The following ZNF518A variants were observed in gnomAD, a reference collection of about 807,000 sequenced individuals.
ZNF518A encodes the protein zinc finger protein 518A, also known as zinc finger protein 518.
ZNF518A carries 47 observed loss-of-function variants against 102.7 expected under a neutral mutation model. That is an observed-to-expected ratio of 0.46 (90% CI 0.36 to 0.58). The LOEUF (loss-of-function observed/expected upper bound fraction) is 0.58, where lower values mean the gene tolerates loss of function less well. Among genes scored for constraint, ZNF518A ranks in the 20% least tolerant of loss-of-function variants. The pLI, the probability that ZNF518A is intolerant of heterozygous loss-of-function variation, is 0.00. For missense variants in ZNF518A, 1,793 were observed against 1,699.8 expected (o/e 1.05, Z -0.96); for synonymous variants, 652 against 594.6 (o/e 1.10, Z -1.40).
intron 1 of ZNF518A, among the ~76,000 whole-genome samples, chr10:96,201,631 G>C (rs1390294279): frequency 6.6e-6 from 1 of 152,146 alleles, no homozygotes; most frequent in Non-Finnish European, 1.5e-5. Context: ...GTGTTAAAGT[G>C]GTTCTGAGAC....
chr10:96,202,315 G>T (rs2083666646), intron 1 of ZNF518A, among the ~76,000 whole-genome samples: 1 of 152,190 alleles, frequency 6.6e-6, no homozygotes, highest in African/African-American at 2.4e-5. Flanking sequence ...GGTGGCAACA[G>T]CAGAGTGGGG....
intron 1 of ZNF518A, among the ~76,000 whole-genome samples, chr10:96,177,274 A>T (rs2083211367): frequency 6.6e-6 from 1 of 152,196 alleles, no homozygotes; most frequent in Admixed American, 6.5e-5. Context: ...GTCATCCTAG[A>T]ATTCTATGTC....
rs1407199371 is a variant in ZNF518A, at chr10:96,160,699, C to T, written c.4377C>T (p.Asp1459=). 6.2e-7 allele frequency: 1 copy of T among 1,612,582 alleles called. No individual in the cohort carries two copies. ...GTTGGTTTTGTGGTAGAGTATTTGA[C>T]AATCAGGATACTTGGGCTGGTCATG... The part of the protein sequence containing the change: ...FNCWFCGRVF[D]NQDTWAGHGQ... The change falls in exon 6 of 6, where the codon GAC becomes GAT. Residue 1459 remains aspartate, a synonymous_variant. Coordinates refer to ENST00000316045, the MANE Select transcript of ZNF518A (RefSeq NM_001330736.2).
At chr10:96,139,154 T>G (rs1303256761) in intron 3 of ZNF518A, among the ~76,000 whole-genome samples, 1 of 152,102 alleles carries the variant, frequency 6.6e-6, no homozygotes, top group Non-Finnish European at 1.5e-5. Flanking sequence ...GGCAGCTTGT[T>G]GGAGTATATG....
chr10:96,167,383 G>A (rs587738575), downstream of ZNF518A, among the ~76,000 whole-genome samples: 65 of 152,318 alleles, frequency 4.3e-4, no homozygotes, highest in African/African-American at 1.2e-3. Flanking sequence ...GAACTCAGGA[G>A]GCAGAGGTTG....
rs782285998 is a variant in ZNF518A, at chr10:96,158,010, C to T, written c.1688C>T (p.Ser563Leu). 2.5e-6 allele frequency: 4 copies of T among 1,613,784 alleles called. No homozygotes were observed. The highest frequency in any genetic ancestry group is 2.5e-6 in the Non-Finnish European group (3 of 1,179,796). The part of the protein sequence containing the change: ...LSATSELVTA[S>L]VNLTTKFETR... The stretch of plus-strand genomic sequence containing the variant: ...GCAACATCAGAATTGGTTACAGCAT[C>T]AGTGAATTTGACCACAAAATTTGAA... Residue 563 changes from serine (S) to leucine (L), a missense_variant, in exon 6 of 6, where the codon TCA (serine) becomes TTA (leucine). This residue lies in a region of ZNF518A where 1,741 missense variants were observed against 1,622.6 expected (regional missense o/e 1.07). Coordinates refer to ENST00000316045, the MANE Select transcript of ZNF518A (RefSeq NM_001330736.2).
At chr10:96,147,369 C>G (rs1191681901) in intron 3 of ZNF518A, among the ~76,000 whole-genome samples, 1 of 152,162 alleles carries the variant, frequency 6.6e-6, no homozygotes, top group African/African-American at 2.4e-5. Flanking sequence ...GTTTGTTATC[C>G]TGGTATTTCC....
Position 96,157,044 on chromosome 10 carries a change from A to C in ZNF518A, c.722A>C (p.His241Pro). ...CATTATAAGTGTGGTAAATGTCATC[A>C]TGTATGTTTTACCAAAGGAGAGCTT... ...EIHYKCGKCH[H>P]VCFTKGELQK... The change falls in exon 6 of 6, where the codon CAT becomes CCT. Residue 241 changes from histidine to proline, a missense_variant. By Grantham distance (77) the His-to-Pro change is moderately conservative. Around this residue, in one of 3 missense-constraint regions of ZNF518A, gnomAD observed 1,741 missense variants for 1,622.6 expected, o/e 1.07. Transcript: ENST00000316045. 1 of 1,613,702 alleles carries C rather than the reference A, an allele frequency of 6.2e-7. No homozygotes were observed.
In ZNF518A at chr10:96,160,298, A is replaced by T; in HGVS notation, c.3976A>T (p.Thr1326Ser). 3 of 1,613,666 alleles carry T rather than the reference A, an allele frequency of 1.9e-6. No individual in the cohort carries two copies. Among genetic ancestry groups the T allele is most frequent in the Non-Finnish European group, 2.5e-6 (3 of 1,179,702 alleles). ...RPRLSKDSIRTLRLFPFSSKQ... is the reference protein window; with the variant it reads ...RPRLSKDSIRSLRLFPFSSKQ... ...TAGGCTTTCAAAAGATTCCATCAGA[A>T]CTTTGCGGCTTTTCCCTTTTAGTTC... is the stretch of plus-strand genomic sequence containing the variant. The change falls in exon 6 of 6, where the codon ACT (threonine) becomes TCT (serine). Residue 1326 changes from threonine (T) to serine (S), a missense_variant. Around this residue, in one of 3 missense-constraint regions of ZNF518A, gnomAD observed 1,741 missense variants for 1,622.6 expected, o/e 1.07. Coordinates refer to ENST00000316045, the MANE Select transcript of ZNF518A (RefSeq NM_001330736.2).
At position 96,160,731 on chromosome 10, in the gene ZNF518A, G is replaced by C; in HGVS notation, c.4409G>C (p.Arg1470Thr). ...GATACTTGGGCTGGTCATGGGCAGA[G>C]ACATTTAATGGAAGCTACTCGGGAT... ...NQDTWAGHGQ[R>T]HLMEATRDWN... Residue 1470 changes from arginine to threonine, a missense_variant, in exon 6 of 6, where the codon AGA becomes ACA. Physicochemically the swap from Arg to Thr is moderately conservative, Grantham distance 71. This residue lies in a region of ZNF518A where 30 missense variants were observed against 61.1 expected (regional missense o/e 0.49). Coordinates refer to ENST00000316045, the MANE Select transcript of ZNF518A (RefSeq NM_001330736.2). 6.2e-7 allele frequency: 1 copy of C among 1,603,194 alleles called. No individual in the cohort carries two copies. Among genetic ancestry groups the C allele is most frequent in the Non-Finnish European group, 8.5e-7 (1 of 1,176,456 alleles).
At chr10:96,192,387 G>T (rs1192096853) in intron 1 of ZNF518A, among the ~76,000 whole-genome samples, 1 of 152,032 alleles carries the variant, frequency 6.6e-6, no homozygotes, top group Non-Finnish European at 1.5e-5. Context: ...TTTATTTACC[G>T]TTAAATGTAA....
In ZNF518A at chr10:96,160,624, C is replaced by T. The variant is rs587649543; in HGVS notation, c.4302C>T (p.Tyr1434=). The change falls in exon 6 of 6, where the codon TAC becomes TAT. Residue 1434 remains tyrosine, a synonymous_variant. Transcript: ENST00000316045. ...LTLKKTSKNN[Y]QIVKTTSENI... Reference sequence around the variant, plus strand: ...TCAAAAAGACAAGCAAAAACAATTACCAGATTGTGAAGACTACCTCTGAAA... The same window carrying T: ...TCAAAAAGACAAGCAAAAACAATTATCAGATTGTGAAGACTACCTCTGAAA... 2 of 1,612,968 alleles carry T rather than the reference C, an allele frequency of 1.2e-6. No individual in the cohort carries two copies. The highest frequency in any genetic ancestry group is 3.3e-5 in the Admixed American group (2 of 59,836).
At chr10:96,143,054 C>A (rs1478884085) in intron 3 of ZNF518A, among the ~76,000 whole-genome samples, 2 of 152,124 alleles carry the variant, frequency 1.3e-5, no homozygotes, top group South Asian at 4.1e-4. Flanking sequence ...GTGATCCGCC[C>A]GCTTTGGCCT....
Position 96,156,729 on chromosome 10 carries a change from A to G in ZNF518A, c.407A>G (p.Gln136Arg). Reference protein sequence around the residue: ...DNTRYSPNDLQKHFQMWHHGE... With the variant: ...DNTRYSPNDLRKHFQMWHHGE... ...ACTCGATATAGCCCAAATGATTTGC[A>G]GAAACACTTTCAAATGTGGCACCAT... The change falls in exon 6 of 6, where the codon CAG (glutamine) becomes CGG (arginine). Residue 136 changes from glutamine (Q) to arginine (R), a missense_variant. Physicochemically the swap from Gln to Arg is conservative, Grantham distance 43 (BLOSUM62 1). Transcript: ENST00000316045. 8 of 1,613,954 alleles carry G rather than the reference A, an allele frequency of 5.0e-6. No homozygotes were observed. The highest frequency in any genetic ancestry group is 1.1e-5 in the South Asian group (1 of 91,078).
intron 3 of ZNF518A, among the ~76,000 whole-genome samples, chr10:96,138,837 G>A (rs1482056292): frequency 1.3e-5 from 2 of 152,072 alleles, no homozygotes; most frequent in East Asian, 1.9e-4. Context: ...CTTATATTCC[G>A]GTGGTAGAGA....
At chr10:96,167,963 T>C (rs2083152074), downstream of ZNF518A, among the ~76,000 whole-genome samples, 1 of 152,244 alleles carries the variant, frequency 6.6e-6, no homozygotes, top group Non-Finnish European at 1.5e-5. Flanking sequence ...AATCTCAACT[T>C]AATTTCAGTA....
At position 96,157,732 on chromosome 10, in the gene ZNF518A, A is replaced by G. The variant is rs1332905901; in HGVS notation, c.1410A>G (p.Pro470=). Residue 470 remains proline, a synonymous_variant, in exon 6 of 6, where the codon CCA becomes CCG. Transcript: ENST00000316045. The part of the protein sequence containing the change: ...LVPIKQNVCS[P]GSQSGAAKDG... ...CTATCAAACAAAATGTATGTTCACC[A>G]GGCTCACAGTCAGGTGCTGCAAAGG... The G allele has an allele frequency of 8.7e-6, 14 of 1,613,814 alleles. No homozygotes were observed. Among genetic ancestry groups the G allele is most frequent in the Non-Finnish European group, 1.2e-5 (14 of 1,179,806 alleles).
intron 3 of ZNF518A, among the ~76,000 whole-genome samples, chr10:96,154,845 C>T (rs2082623298): frequency 6.6e-6 from 1 of 152,040 alleles, no homozygotes. Flanking sequence ...ATAATTGGTA[C>T]CCTTCTGATT....
At chr10:96,167,522 C>T (rs187820687), downstream of ZNF518A, among the ~76,000 whole-genome samples, 16 of 152,196 alleles carry the variant, frequency 1.1e-4, no homozygotes, top group South Asian at 2.1e-4. Flanking sequence ...ATTCTAATGT[C>T]TCACCAAGTA....
Sources: gnomAD v4.1 joint callset for allele counts (sites outside exome capture counted in the v4.1 genomes callset) on GRCh38, gnomAD v4.1.1 for gene constraint, gnomAD v4.1.1 regional missense constraint, MANE v1.5 for transcripts, NCBI Gene and HGNC (gene_info 2026-07-23, HGNC 2026-07-21) for gene names.